The following UBR2 variants were observed in gnomAD, a reference collection of about 807,000 sequenced individuals.
UBR2 encodes E3 ubiquitin-protein ligase UBR2.
In UBR2, 92 loss-of-function variants were observed where a neutral mutation model predicts 247.9. The observed-to-expected ratio is 0.37, with a 90% CI of 0.31 to 0.44. The LOEUF (loss-of-function observed/expected upper bound fraction) is 0.44. Ranked by LOEUF, UBR2 falls within the 20% of genes least tolerant of loss-of-function variation. The pLI is 1.00. For synonymous variants in UBR2, 672 were observed against 693.5 expected (o/e 0.97, Z 0.49); for missense variants, 1,613 against 2,112.6 (o/e 0.76, Z 4.64).
chr6:42,572,856 C>T (rs1791252346), intron 1 of UBR2, among the ~76,000 whole-genome samples: 1 of 152,114 alleles, frequency 6.6e-6, no homozygotes, highest in South Asian at 2.1e-4. Flanking sequence ...AGGCATGCGC[C>T]ACCACATCCA....
At chr6:42,647,876 A>G (rs981979508) in intron 21 of UBR2, among the ~76,000 whole-genome samples, 3 of 152,226 alleles carry the variant, frequency 2.0e-5, no homozygotes, top group African/African-American at 7.2e-5. Context: ...TAAAAATCAT[A>G]AAGTTTTATC....
chr6:42,676,922 G>A, intron 40 of UBR2, 49 bp downstream of exon 40: 1 of 1,397,532 alleles, frequency 7.2e-7, no homozygotes, highest in Non-Finnish European at 1.0e-6. Context: ...ATTGCTAGAT[G>A]ATGATAGCAT....
At chr6:42,685,883 A>G (rs972951031) in intron 44 of UBR2, among the ~76,000 whole-genome samples, 2 of 152,066 alleles carry the variant, frequency 1.3e-5, no homozygotes, top group African/African-American at 4.8e-5. Context: ...TCAAAAAAAA[A>G]AAGAAGAATA....
At chr6:42,612,373 CA>C in intron 8 of UBR2, 82 bp downstream of exon 8, 1 of 1,305,172 alleles carries the variant, frequency 7.7e-7, no homozygotes. Flanking sequence ...GGAAAACTAT[CA>C]ACTGGAATAA....
intron 36 of UBR2, among the ~76,000 whole-genome samples, 196 bp from the exon 37 acceptor site, chr6:42,673,595 A>G (rs1798562307): frequency 6.6e-6 from 1 of 152,186 alleles, no homozygotes; most frequent in Non-Finnish European, 1.5e-5. Context: ...GATAGATTTC[A>G]TTTATTCAGC....
At chr6:42,674,221 T>G in intron 38 of UBR2, 28 bp downstream of exon 38, 3 of 1,605,190 alleles carry the variant, frequency 1.9e-6, no homozygotes, top group Non-Finnish European at 2.6e-6. Context: ...TGTTTGGACT[T>G]CTACGTCATA....
At chr6:42,688,950 T>C (rs1462594861) in intron 45 of UBR2, among the ~76,000 whole-genome samples, 1 of 152,132 alleles carries the variant, frequency 6.6e-6, no homozygotes, top group Non-Finnish European at 1.5e-5. Context: ...GAATATGAAA[T>C]GGCAGCTATG....
chr6:42,586,481 A>G (rs1792270135), intron 2 of UBR2, among the ~76,000 whole-genome samples: 1 of 149,574 alleles, frequency 6.7e-6, no homozygotes, highest in South Asian at 2.1e-4. Context: ...GCTTATAATT[A>G]TTAATGTATT....
intron 7 of UBR2, among the ~76,000 whole-genome samples, chr6:42,607,819 G>C (rs1050998463): frequency 1.4e-5 from 2 of 146,034 alleles, no homozygotes; most frequent in East Asian, 2.0e-4. Flanking sequence ...ATTCTTGTGC[G>C]TTCCTTTATA....
chr6:42,631,863 TATATATATATATA>T (rs1795741464), intron 11 of UBR2, among the ~76,000 whole-genome samples: 3 of 89,816 alleles, frequency 3.3e-5, no homozygotes. Flanking sequence ...TCTGATTTTA[TATATATATATATA>T]TATATATATA....
At chr6:42,576,522 CTTTTTTTTTTTT>C (rs58739895) in intron 2 of UBR2, among the ~76,000 whole-genome samples, 2 of 86,140 alleles carry the variant, frequency 2.3e-5, no homozygotes, top group South Asian at 4.1e-4. Flanking sequence ...GCCTTTCCCT[CTTTTTTTTTTTT>C]TTTTTTTTTT....
At chr6:42,621,068 C>T (rs1334378629) in intron 11 of UBR2, among the ~76,000 whole-genome samples, 1 of 152,076 alleles carries the variant, frequency 6.6e-6, no homozygotes, top group Admixed American at 6.6e-5. Context: ...GGTGATCCAC[C>T]GCACCCGGCC....
intron 15 of UBR2, among the ~76,000 whole-genome samples, chr6:42,639,928 T>G (rs903603140): frequency 1.2e-4 from 18 of 152,146 alleles, no homozygotes; most frequent in Non-Finnish European, 7.4e-5. Context: ...CTCGGGAGGC[T>G]GAGGCAGGAG....
At chr6:42,690,708 C>G (rs1422367567) in intron 46 of UBR2, among the ~76,000 whole-genome samples, 6 of 152,166 alleles carry the variant, frequency 3.9e-5, no homozygotes, top group East Asian at 3.8e-4. Context: ...ACGTTACCAA[C>G]AAAATGGGCA....
At chr6:42,674,043 GAAGATAAATTTA>G in intron 37 of UBR2, 71 bp from the exon 38 acceptor site, 1 of 1,441,652 alleles carries the variant, frequency 6.9e-7, no homozygotes. Context: ...TGTCTTGCAA[GAAGATAAATTTA>G]AAGCAGATTA....
intron 33 of UBR2, 39 bp from the exon 34 acceptor site, chr6:42,666,128 C>A (rs1798093703): frequency 6.6e-7 from 1 of 1,520,252 alleles, no homozygotes; most frequent in South Asian, 1.2e-5. Context: ...GGAATATTGT[C>A]ATCTATTGAA....
At chr6:42,568,421 T>C (rs1405483758) in intron 1 of UBR2, among the ~76,000 whole-genome samples, 1 of 152,154 alleles carries the variant, frequency 6.6e-6, no homozygotes, top group African/African-American at 2.4e-5. Context: ...TTCTCTTAGA[T>C]AATGTTTTAA....
intron 1 of UBR2, among the ~76,000 whole-genome samples, chr6:42,565,807 G>C (rs1291698728): frequency 6.6e-6 from 1 of 152,070 alleles, no homozygotes; most frequent in Admixed American, 6.6e-5. Context: ...TGATCCACCT[G>C]TTTGGGCCTC....
rs1281462156 is a variant in UBR2, at chr6:42,614,203, AAAC to A, written c.986-867_986-865del. 2.6e-3 allele frequency among the ~76,000 whole-genome samples: 145 copies of A among 54,776 alleles called. 6 individuals are homozygous for A. The highest frequency in any genetic ancestry group is 0.016 in the Middle Eastern group (1 of 62). 35.9% of individuals were successfully genotyped at this position (54,776 alleles called of 152,430 possible). A position where few individuals can be genotyped will look rare whatever the true frequency, so the allele number is the denominator to read the frequency against. On this transcript the variant is annotated intron_variant, in intron 8 of 46. Coordinates refer to ENST00000372901, the MANE Select transcript of UBR2 (RefSeq NM_001363705.2). ...AAAAAAAAAAAAAAAAAAAAAAAAA[AAAC>A]TATATATATATACACACACACACAC... is the stretch of plus-strand genomic sequence containing the variant.
Sources: allele counts gnomAD v4.1 joint callset (sites outside exome capture counted in the v4.1 genomes callset), GRCh38; gene constraint gnomAD v4.1.1; transcripts MANE v1.5; gene names NCBI Gene and HGNC (gene_info 2026-07-23, HGNC 2026-07-21).